NRG1: variants seen among roughly 807,000 people sequenced by gnomAD.
NRG1 encodes the protein pro-neuregulin-1, membrane-bound isoform.
A neutral mutation model predicts 63.8 loss-of-function variants in NRG1; 18 were observed. That is an observed-to-expected ratio of 0.28 (90% CI 0.19 to 0.42). The LOEUF is 0.42. Ranked by LOEUF, NRG1 falls within the 10% of genes least tolerant of loss-of-function variation. NRG1 has a pLI of 1.00. For missense variants in NRG1, 762 were observed against 814.7 expected, an observed-to-expected ratio of 0.94 and a Z score of 0.79; for synonymous variants, 302 against 301.3, an observed-to-expected ratio of 1.00 and a Z score of -0.02.
chr8:31,654,527 G>T (rs1805229151), intron 1 of NRG1, among the ~76,000 whole-genome samples: 1 of 152,176 alleles, frequency 6.6e-6, no homozygotes, highest in Non-Finnish European at 1.5e-5. Context: ...TCGGCTGTTC[G>T]GCTTTGTAAG....
At chr8:32,122,814 C>G (rs1833635302) in intron 1 of NRG1, among the ~76,000 whole-genome samples, 1 of 151,664 alleles carries the variant, frequency 6.6e-6, no homozygotes, top group Middle Eastern at 3.2e-3. Flanking sequence ...GTGATGTTCC[C>G]CTTCCTGTGT....
At chr8:32,748,304 A>G (rs1223474664) in intron 7 of NRG1, among the ~76,000 whole-genome samples, 1 of 149,500 alleles carries the variant, frequency 6.7e-6, no homozygotes, top group Non-Finnish European at 1.5e-5. Context: ...CTGCTTCTTG[A>G]CCACACACAT....
chr8:32,527,583 T>A (rs1455554584), intron 1 of NRG1, among the ~76,000 whole-genome samples: 2 of 149,748 alleles, frequency 1.3e-5, no homozygotes, highest in Non-Finnish European at 2.9e-5. Flanking sequence ...AAGCTCAGAT[T>A]TCATCGCTAT....
At chr8:31,688,525 AC>A (rs936855826) in intron 1 of NRG1, among the ~76,000 whole-genome samples, 2 of 152,218 alleles carry the variant, frequency 1.3e-5, no homozygotes, top group African/African-American at 4.8e-5. Flanking sequence ...ATGGACAAAG[AC>A]AATTTAGAAT....
At chr8:31,742,237 C>T (rs2131405471) in intron 1 of NRG1, among the ~76,000 whole-genome samples, 1 of 151,852 alleles carries the variant, frequency 6.6e-6, no homozygotes, top group South Asian at 2.1e-4. Flanking sequence ...GAATAATGGT[C>T]ACCTGTGGAG....
intron 1 of NRG1, among the ~76,000 whole-genome samples, chr8:32,568,934 C>T (rs1240380201): frequency 6.8e-6 from 1 of 146,796 alleles, no homozygotes; most frequent in Non-Finnish European, 1.5e-5. Context: ...CATCCAAGAG[C>T]CATGTGAAAA....
intron 1 of NRG1, among the ~76,000 whole-genome samples, chr8:31,786,932 A>G (rs1820231253): frequency 6.6e-6 from 1 of 152,062 alleles, no homozygotes; most frequent in Non-Finnish European, 1.5e-5. Flanking sequence ...AATCAACTTA[A>G]CTTTCAGCCT....
At chr8:32,105,134 G>A (rs1055276049) in intron 1 of NRG1, among the ~76,000 whole-genome samples, 1 of 152,044 alleles carries the variant, frequency 6.6e-6, no homozygotes, top group Non-Finnish European at 1.5e-5. Flanking sequence ...CATTATGAGG[G>A]CTATGATGTC....
At chr8:32,344,419 A>ATG (rs397956518) in intron 1 of NRG1, among the ~76,000 whole-genome samples, 9,184 of 57,098 alleles carry the variant, frequency 0.16, 1,194 homozygotes, top group East Asian at 0.63. Flanking sequence ...GCGTGCATGC[A>ATG]TGTGTGTGTG....
intron 1 of NRG1, among the ~76,000 whole-genome samples, chr8:32,281,303 G>T (rs1040924373): frequency 6.7e-6 from 1 of 149,402 alleles, no homozygotes; most frequent in Non-Finnish European, 1.5e-5. Context: ...TCAGCCTCCT[G>T]AGTAGTTGGG....
chr8:31,944,549 C>T (rs1802248208), intron 1 of NRG1, among the ~76,000 whole-genome samples: 1 of 152,114 alleles, frequency 6.6e-6, no homozygotes, highest in Admixed American at 6.6e-5. Context: ...CATTTCAGGG[C>T]TCTTGCTTGT....
intron 1 of NRG1, among the ~76,000 whole-genome samples, chr8:31,749,526 A>T (rs1481345117): frequency 6.6e-6 from 1 of 151,908 alleles, no homozygotes; most frequent in African/African-American, 2.4e-5. Context: ...GAGCAACCGC[A>T]ATTGAATTCT....
chr8:32,412,207 T>C (rs144579927), intron 1 of NRG1, among the ~76,000 whole-genome samples: 164 of 152,002 alleles, frequency 1.1e-3, no homozygotes, highest in Non-Finnish European at 1.8e-3. Flanking sequence ...CAGCTCTTCT[T>C]GAGTCTTGAG....
intron 1 of NRG1, among the ~76,000 whole-genome samples, chr8:32,110,322 G>A (rs1018123566): frequency 2.6e-5 from 4 of 152,064 alleles, no homozygotes; most frequent in African/African-American, 9.7e-5. Context: ...AAAGAGCTAA[G>A]AGAAGAAAGT....
chr8:32,404,969 T>C (rs1179980961), intron 1 of NRG1, among the ~76,000 whole-genome samples: 1 of 152,166 alleles, frequency 6.6e-6, no homozygotes, highest in African/African-American at 2.4e-5. Flanking sequence ...CTCCTAAGGA[T>C]GAGCAAAAAG....
intron 1 of NRG1, among the ~76,000 whole-genome samples, chr8:32,467,982 C>A (rs1002338081): frequency 1.4e-4 from 22 of 152,278 alleles, no homozygotes; most frequent in African/African-American, 5.1e-4. Flanking sequence ...AACACAGAAG[C>A]CTCCAGGAAG....
At chr8:32,568,736 A>G (rs540705151) in intron 1 of NRG1, among the ~76,000 whole-genome samples, 3 of 152,312 alleles carry the variant, frequency 2.0e-5, no homozygotes, top group East Asian at 1.9e-4. Context: ...CCTGCTCACT[A>G]TGAAAGTTTG....
At chr8:32,383,557 T>C (rs982494964) in intron 1 of NRG1, among the ~76,000 whole-genome samples, 1 of 152,188 alleles carries the variant, frequency 6.6e-6, no homozygotes, top group East Asian at 1.9e-4. Context: ...AAGACAGACA[T>C]ATAATTTTTG....
At chr8:32,554,801 G>A (rs1286227897) in intron 1 of NRG1, among the ~76,000 whole-genome samples, 8 of 152,140 alleles carry the variant, frequency 5.3e-5, no homozygotes, top group Admixed American at 5.2e-4. Flanking sequence ...CTACATAAGA[G>A]CAGAGATGAT....
Sources: gnomAD v4.1 joint callset for allele counts (sites outside exome capture counted in the v4.1 genomes callset) on GRCh38, gnomAD v4.1.1 for gene constraint, MANE v1.5 for transcripts, NCBI Gene and HGNC (gene_info 2026-07-23, HGNC 2026-07-21) for gene names.